Variants in NCR2 observed in about 807,000 individuals in gnomAD.
NCR2 encodes the protein natural cytotoxicity triggering receptor 2.
In NCR2, 35 loss-of-function variants were observed where a neutral mutation model predicts 30.7. The ratio of observed to expected loss-of-function variants is 1.14; its 90% CI spans 0.87 to 1.51. NCR2 has a LOEUF of 1.51. NCR2 is among the 40% of genes most tolerant of loss of function. The pLI is 0.00. For missense variants in NCR2, 316 were observed against 328.9 expected (o/e 0.96, Z 0.30); for synonymous variants, 146 against 134.8 (o/e 1.08, Z -0.58).
intron 2 of NCR2, 102 bp downstream of exon 2, chr6:41,336,530 C>T (rs1319128975): frequency 1.9e-5 from 18 of 933,616 alleles, no homozygotes; most frequent in Admixed American, 4.6e-5. Context: ...CATGCCCACG[C>T]CCCAGTCTCC....
intron 4 of NCR2, 118 bp downstream of exon 4, chr6:41,342,267 C>T (rs1231700783): frequency 2.2e-6 from 3 of 1,386,788 alleles, no homozygotes; most frequent in East Asian, 2.4e-5. Context: ...ATCGGCAGAG[C>T]TCTCCAAATT....
intron 2 of NCR2, 95 bp downstream of exon 2, chr6:41,336,523 G>A (rs901793022): frequency 6.0e-5 from 61 of 1,023,616 alleles, no homozygotes; most frequent in Non-Finnish European, 6.2e-5. Context: ...AGCCACCCAT[G>A]CCCACGCCCC....
chr6:41,346,863 G>A (rs2114065120), intron 4 of NCR2, among the ~76,000 whole-genome samples: 1 of 151,716 alleles, frequency 6.6e-6, no homozygotes, highest in East Asian at 1.9e-4. Flanking sequence ...GACAGAATGA[G>A]AGGAAGAGAA....
At chr6:41,345,860 G>A (rs1025307242) in intron 4 of NCR2, among the ~76,000 whole-genome samples, 1 of 152,110 alleles carries the variant, frequency 6.6e-6, no homozygotes, top group Admixed American at 6.5e-5. Flanking sequence ...GAACGTCACC[G>A]CGGTACTCTC....
intron 4 of NCR2, 77 bp downstream of exon 4, chr6:41,342,226 A>T: frequency 6.4e-7 from 1 of 1,567,838 alleles, no homozygotes; most frequent in Non-Finnish European, 8.6e-7. Context: ...GTCAGAGGGG[A>T]ATCGGCCAGA....
In NCR2 at chr6:41,343,068, T is replaced by G. The variant is rs1384680925; in HGVS notation, c.644+919T>G. 9 of 1,473,950 alleles carry G rather than the reference T, an allele frequency of 6.1e-6. No individual in the cohort carries two copies. The Admixed American group carries it at 7.9e-5, about 13-fold the overall frequency. 91.3% of individuals were successfully genotyped at this position (1,473,950 alleles called of 1,614,324 possible). A position where few individuals can be genotyped will look rare whatever the true frequency, so the allele number is the denominator to read the frequency against. Reference sequence around the variant, plus strand: ...ACAAGGCTGGGCTCCCAGCAGCTCCTCCCTGACTTCTGACCTCTGCTGTTA... The same window carrying G: ...ACAAGGCTGGGCTCCCAGCAGCTCCGCCCTGACTTCTGACCTCTGCTGTTA... On this transcript the variant is annotated intron_variant, in intron 4 of 4. Coordinates refer to ENST00000373089, the MANE Select transcript of NCR2 (RefSeq NM_004828.4).
intron 2 of NCR2, among the ~76,000 whole-genome samples, chr6:41,337,399 G>A (rs1209516935): frequency 1.3e-5 from 2 of 152,150 alleles, no homozygotes; most frequent in East Asian, 1.9e-4. Context: ...TACCCATAAC[G>A]TTTTGTCATT....
In NCR2 at chr6:41,342,162, T is replaced by TGG. The variant is rs752482981; in HGVS notation, c.644+15_644+16dup. The TGG allele has an allele frequency of 3.1e-6, 5 of 1,611,482 alleles. No individual in the cohort carries two copies. In the Admixed American group the frequency reaches 8.3e-5, roughly 27 times the overall value. ...TGCTCGTCTGGTGGTGAGTGTGGTG[T>TGG]GGGTTGAACTCGGGGAAAATGGAAC... On this transcript the variant is annotated intron_variant, in intron 4 of 4. Coordinates refer to ENST00000373089, the MANE Select transcript of NCR2 (RefSeq NM_004828.4).
In NCR2 at chr6:41,336,224, A is replaced by G. The variant is rs1464169255; in HGVS notation, c.190A>G (p.Ile64Val). 2 of 1,614,080 alleles carry G rather than the reference A, an allele frequency of 1.2e-6. No homozygotes were observed. Among genetic ancestry groups the G allele is most frequent in the Non-Finnish European group, 1.7e-6 (2 of 1,180,040 alleles). The change falls in exon 2 of 5, where the codon ATC (isoleucine) becomes GTC (valine). Residue 64 changes from isoleucine (I) to valine (V), a missense_variant. Ile to Val is a conservative substitution (Grantham distance 29). Coordinates refer to ENST00000373089, the MANE Select transcript of NCR2 (RefSeq NM_004828.4). ...TAAGGAGGCTTCAGCACTTGTGTGC[A>G]TCAGGTTAGTCACCAGCTCCAAGCC... ...WCKEASALVC[I>V]RLVTSSKPRT...
At chr6:41,336,038 C>T (rs1448491678) in intron 1 of NCR2, 49 bp from the exon 2 acceptor site, 3 of 1,591,036 alleles carry the variant, frequency 1.9e-6, no homozygotes, top group Non-Finnish European at 2.6e-6. Context: ...TGCTGTGAGG[C>T]AGGTTGTGCG....
rs1010102825 is a variant in NCR2, at chr6:41,350,590, G to C, written c.645-88G>C. 1.9e-5 allele frequency: 22 copies of C among 1,163,624 alleles called. No individual in the cohort carries two copies. The African/African-American group carries it at 3.4e-4, about 18-fold the overall frequency. The allele number at this position is 1,163,624 out of a possible 1,614,324, so 72.1% of individuals were successfully genotyped here. ...GGTATGGCAACCAACCCTGCGAGTA[G>C]TGGGATGGGGAAGGGGTTGCCTCTG... is the stretch of plus-strand genomic sequence containing the variant. On this transcript the variant is annotated intron_variant, in intron 4 of 4. Coordinates refer to ENST00000373089, the MANE Select transcript of NCR2 (RefSeq NM_004828.4).
At chr6:41,337,070 C>T (rs1172078291) in intron 2 of NCR2, among the ~76,000 whole-genome samples, 1 of 152,082 alleles carries the variant, frequency 6.6e-6, no homozygotes, top group Non-Finnish European at 1.5e-5. Context: ...TCATCCCTGA[C>T]CCTTTACAGA....
intron 4 of NCR2, among the ~76,000 whole-genome samples, chr6:41,347,981 G>A (rs1454620050): frequency 1.4e-4 from 21 of 152,278 alleles, no homozygotes; most frequent in African/African-American, 3.9e-4. Flanking sequence ...GAGAGGGTGC[G>A]GAAGGAGGAA....
At chr6:41,345,620 G>A (rs1769281613) in intron 4 of NCR2, among the ~76,000 whole-genome samples, 1 of 151,972 alleles carries the variant, frequency 6.6e-6, no homozygotes, top group Non-Finnish European at 1.5e-5. Flanking sequence ...TCAGCACTCA[G>A]ACTCCAGTAC....
intron 4 of NCR2, chr6:41,343,035 A>C: frequency 6.5e-7 from 1 of 1,547,874 alleles, no homozygotes; most frequent in East Asian, 2.4e-5. Context: ...GTGGGCGGCC[A>C]GTCTCCAACA....
chr6:41,350,548 T>A, intron 4 of NCR2, 130 bp from the exon 5 acceptor site: 1 of 746,758 alleles, frequency 1.3e-6, no homozygotes, highest in East Asian at 2.6e-5. Context: ...AGGAGCAGAC[T>A]TCATCCTTGT....
At chr6:41,346,752 C>T (rs1769309081) in intron 4 of NCR2, among the ~76,000 whole-genome samples, 1 of 151,738 alleles carries the variant, frequency 6.6e-6, no homozygotes, top group Admixed American at 6.6e-5. Context: ...TCTGTCCTCC[C>T]TCTCCACATG....
Position 41,341,812 on chromosome 6 carries a change from C to T in NCR2, c.413C>T (p.Thr138Ile), listed in dbSNP as rs767180359. ...CTGGCAGCCTCTGCCTCCACACAGA[C>T]CTCCTGGACTCCCCGCGACCTGGTC... ...VVSPASASTQ[T>I]SWTPRDLVSS... Residue 138 changes from threonine (T) to isoleucine (I), a missense_variant, in exon 3 of 5, where the codon ACC becomes ATC. Transcript: ENST00000373089. 4 of 1,612,104 alleles carry T rather than the reference C, an allele frequency of 2.5e-6. No homozygotes were observed. Among genetic ancestry groups the T allele is most frequent in the East Asian group, 4.5e-5 (2 of 44,880 alleles).
intron 2 of NCR2, among the ~76,000 whole-genome samples, chr6:41,339,352 A>G (rs1412089060): frequency 6.8e-6 from 1 of 148,118 alleles, no homozygotes; most frequent in African/African-American, 2.5e-5. Flanking sequence ...TTGAGCCACC[A>G]TGCCCAGACT....
Sources: allele counts gnomAD v4.1 joint callset (sites outside exome capture counted in the v4.1 genomes callset), GRCh38; gene constraint gnomAD v4.1.1; transcripts MANE v1.5; gene names NCBI Gene and HGNC (gene_info 2026-07-23, HGNC 2026-07-21).